The following DDX59 variants were observed in gnomAD, a reference collection of about 807,000 sequenced individuals.
The protein encoded by DDX59 is DEAD-box helicase 59.
Under a neutral mutation model 51.9 loss-of-function variants are expected in DDX59, and 30 were observed. That is an observed-to-expected ratio of 0.58 (90% CI 0.43 to 0.78). The LOEUF is 0.78. DDX59 is among the 30% of genes least tolerant of loss of function. The probability of loss-of-function intolerance (pLI) is 0.00; values close to 1 mark genes in which losing one functional copy is unlikely to be tolerated. For synonymous variants in DDX59, 255 were observed against 253.3 expected, an observed-to-expected ratio of 1.01 and a Z score of -0.06; for missense variants, 672 against 730.8, an observed-to-expected ratio of 0.92 and a Z score of 0.93.
At chr1:200,658,455 G>A (rs1250278154) in intron 4 of DDX59, among the ~76,000 whole-genome samples, 1 of 152,064 alleles carries the variant, frequency 6.6e-6, no homozygotes, top group Non-Finnish European at 1.5e-5. Flanking sequence ...AGTACTTTGG[G>A]AGGCCAAGGC....
chr1:200,658,013 A>G (rs1402473099), intron 4 of DDX59, among the ~76,000 whole-genome samples: 3 of 152,212 alleles, frequency 2.0e-5, no homozygotes, highest in Non-Finnish European at 2.9e-5. Context: ...GAGGTGGAGT[A>G]AATGTTCAAA....
At chr1:200,657,593 C>CA (rs745958631) in intron 4 of DDX59, among the ~76,000 whole-genome samples, 11 of 151,786 alleles carry the variant, frequency 7.2e-5, no homozygotes, top group East Asian at 5.8e-4. Flanking sequence ...ACTAAAAATA[C>CA]AAAAAATTAG....
At chr1:200,658,976 T>C (rs780585199) in intron 4 of DDX59, 51 bp downstream of exon 4, 2 of 1,431,120 alleles carry the variant, frequency 1.4e-6, no homozygotes, top group Non-Finnish European at 1.9e-6. Context: ...AACTATACTT[T>C]CCATAAATTG....
chr1:200,660,177 C>T (rs1209066052), intron 3 of DDX59, among the ~76,000 whole-genome samples: 1 of 152,152 alleles, frequency 6.6e-6, no homozygotes, highest in East Asian at 1.9e-4. Context: ...CCTTGGCCAC[C>T]ATTATTTCTT....
chr1:200,668,462 G>A (rs796273843), intron 1 of DDX59, among the ~76,000 whole-genome samples: 8 of 152,074 alleles, frequency 5.3e-5, no homozygotes, highest in African/African-American at 1.9e-4. Context: ...CCTTTCTAAG[G>A]GGTCTGGAGA....
intron 1 of DDX59, 137 bp from the exon 2 acceptor site, chr1:200,666,888 A>C: frequency 1.2e-6 from 1 of 802,754 alleles, no homozygotes; most frequent in Non-Finnish European, 1.9e-6. Context: ...CAGGCAGATC[A>C]CTTGAGGTCA....
downstream of DDX59, among the ~76,000 whole-genome samples, chr1:200,641,415 C>G (rs1571598166): frequency 6.6e-6 from 1 of 151,818 alleles, no homozygotes; most frequent in African/African-American, 2.4e-5. Context: ...AAAAAAAGAA[C>G]CCACTTTGAC....
chr1:200,652,036 G>T (rs1558119186), intron 4 of DDX59, among the ~76,000 whole-genome samples: 1 of 150,806 alleles, frequency 6.6e-6, no homozygotes. Flanking sequence ...AAAGATTAAG[G>T]CTATCTTCAG....
chr1:200,662,666 T>C (rs755952708), intron 3 of DDX59, among the ~76,000 whole-genome samples: 6 of 152,316 alleles, frequency 3.9e-5, no homozygotes, highest in Admixed American at 2.6e-4. Context: ...CATTAACATA[T>C]ATTTTTTTAA....
At chr1:200,661,977 G>T (rs1440542854) in intron 3 of DDX59, among the ~76,000 whole-genome samples, 3 of 152,024 alleles carry the variant, frequency 2.0e-5, no homozygotes, top group Non-Finnish European at 4.4e-5. Context: ...GTTTAAAAGT[G>T]TGTAGCACCT....
At chr1:200,667,811 A>C (rs1662872446) in intron 1 of DDX59, among the ~76,000 whole-genome samples, 1 of 152,124 alleles carries the variant, frequency 6.6e-6, no homozygotes, top group African/African-American at 2.4e-5. Context: ...TGCCTAATAT[A>C]TATATATACA....
At position 200,666,535 on chromosome 1, in the gene DDX59, A is replaced by C. The variant is rs1662764206; in HGVS notation, c.206T>G (p.Leu69Trp). The change falls in exon 2 of 8, where the codon TTG (leucine) becomes TGG (tryptophan). Residue 69 changes from leucine (L) to tryptophan (W), a missense_variant. Coordinates refer to ENST00000331314, the MANE Select transcript of DDX59 (RefSeq NM_001031725.6). ...SCPFPSPGGQLAEVHSVSPEQ... is the reference protein window; with the variant it reads ...SCPFPSPGGQWAEVHSVSPEQ... ...GGGACTTACTGAATGAACCTCTGCC[A>C]ACTGGCCACCTGGGCTGGGGAAAGG... 6.2e-7 allele frequency: 1 copy of C among 1,614,080 alleles called. No individual in the cohort carries two copies. The highest frequency in any genetic ancestry group is 1.3e-5 in the African/African-American group (1 of 74,930).
intron 5 of DDX59, among the ~76,000 whole-genome samples, chr1:200,649,916 C>T (rs1346746903): frequency 6.6e-6 from 1 of 150,934 alleles, no homozygotes; most frequent in Non-Finnish European, 1.5e-5. Context: ...AATCTCAGCT[C>T]ACTACAAGCC....
At chr1:200,649,345 G>A in intron 5 of DDX59, 119 bp from the exon 6 acceptor site, 1 of 1,043,310 alleles carries the variant, frequency 9.6e-7, no homozygotes, top group Non-Finnish European at 1.3e-6. Context: ...TGTTAAGAAG[G>A]AGGCTGGGCG....
At chr1:200,642,958 G>A (rs1661091864), downstream of DDX59, among the ~76,000 whole-genome samples, 1 of 152,180 alleles carries the variant, frequency 6.6e-6, no homozygotes, top group African/African-American at 2.4e-5. Context: ...ACAGTGGTGG[G>A]AAGAAGCCAG....
intron 4 of DDX59, among the ~76,000 whole-genome samples, chr1:200,656,882 C>A (rs149758825): frequency 2.0e-5 from 3 of 151,864 alleles, no homozygotes; most frequent in African/African-American, 7.3e-5. Context: ...AGCAAGACCC[C>A]GTCTCTAAAC....
chr1:200,664,023 GTCTC>G lies in DDX59; in HGVS notation c.864_867del (p.Glu288AspfsTer6). On this transcript the variant is annotated frameshift_variant, in exon 3 of 8. Transcript: ENST00000331314. LOFTEE classifies it high-confidence loss of function. ...AGGCCACTCATCAATTCTTTAGCTT[GTCTC>G]TCTATCTGAATGGCTAACTCTCTGG... 2 of 1,614,180 alleles carry G rather than the reference GTCTC, an allele frequency of 1.2e-6. No homozygotes were observed. Among genetic ancestry groups the G allele is most frequent in the Non-Finnish European group, 1.7e-6 (2 of 1,180,028 alleles).
chr1:200,649,338 TAAG>T (rs1324693766), intron 5 of DDX59, 112 bp from the exon 6 acceptor site: 2 of 1,125,330 alleles, frequency 1.8e-6, no homozygotes, highest in African/African-American at 3.3e-5. Flanking sequence ...TAAATATTGT[TAAG>T]AAGGAGGCTG....
chr1:200,668,998 A>C (rs1662972272), intron 1 of DDX59, among the ~76,000 whole-genome samples: 1 of 152,196 alleles, frequency 6.6e-6, no homozygotes, highest in African/African-American at 2.4e-5. Flanking sequence ...GATAAAACCA[A>C]GCTGTACCCC....
Sources: gnomAD v4.1 joint callset for allele counts (sites outside exome capture counted in the v4.1 genomes callset) on GRCh38, gnomAD v4.1.1 for gene constraint, MANE v1.5 for transcripts, NCBI Gene and HGNC (gene_info 2026-07-23, HGNC 2026-07-21) for gene names.